Variants in SLC6A11 observed in about 807,000 individuals in gnomAD.
SLC6A11 encodes the protein solute carrier family 6 member 11, also known as sodium- and chloride-dependent GABA transporter 3.
SLC6A11 carries 25 observed loss-of-function variants against 74.8 expected under a neutral mutation model. The observed-to-expected ratio is 0.33, with a 90% CI of 0.24 to 0.47. SLC6A11 has a LOEUF of 0.47. Ranked by LOEUF, SLC6A11 falls within the 20% of genes least tolerant of loss-of-function variation. The pLI is 1.00. For synonymous variants in SLC6A11, 330 were observed against 330.2 expected (o/e 1.00, Z 0.01); for missense variants, 574 against 837.0 (o/e 0.69, Z 3.88).
intron 7 of SLC6A11, among the ~76,000 whole-genome samples, chr3:10,912,532 T>C (rs1695400998): frequency 6.6e-6 from 1 of 152,224 alleles, no homozygotes; most frequent in Admixed American, 6.5e-5. Flanking sequence ...ACCAAGGGCC[T>C]TGTTCTCTCG....
At chr3:10,850,444 C>A (rs1310926294) in intron 5 of SLC6A11, among the ~76,000 whole-genome samples, 1 of 152,166 alleles carries the variant, frequency 6.6e-6, no homozygotes, top group African/African-American at 2.4e-5. Flanking sequence ...TGAACCAGAC[C>A]ATGGGGCTTA....
At position 10,938,359 on chromosome 3, in the gene SLC6A11, A is replaced by G; in HGVS notation, c.1856A>G (p.Asp619Gly). 6.2e-7 allele frequency: 1 copy of G among 1,612,264 alleles called. No homozygotes were observed. Among genetic ancestry groups the G allele is most frequent in the South Asian group, 1.1e-5 (1 of 90,834 alleles). ...VNDCDAKLKS[D>G]GTIAAITEKE... ...GACTGTGATGCCAAACTCAAGAGTG[A>G]CGGGACCATCGCAGCCATCACAGAG... Residue 619 changes from aspartate to glycine, a missense_variant, in exon 14 of 14, where the codon GAC (aspartate) becomes GGC (glycine). By Grantham distance (94) the Asp-to-Gly change is moderately conservative. Coordinates refer to ENST00000254488, the MANE Select transcript of SLC6A11 (RefSeq NM_014229.3).
chr3:10,935,780 T>C (rs550235097), intron 13 of SLC6A11, among the ~76,000 whole-genome samples: 3 of 152,350 alleles, frequency 2.0e-5, no homozygotes, highest in Non-Finnish European at 2.9e-5. Flanking sequence ...ATCCTAAAAT[T>C]AACCCATTTC....
At chr3:10,844,108 C>A in intron 4 of SLC6A11, 106 bp from the exon 5 acceptor site, 2 of 1,381,320 alleles carry the variant, frequency 1.4e-6, no homozygotes, top group South Asian at 2.6e-5. Flanking sequence ...CCACGGTGGA[C>A]GTGGGTGAAT....
Position 10,939,929 on chromosome 3 carries a change from T to C in SLC6A11, c.*1527T>C, listed in dbSNP as rs2124827984. 1 of 152,304 alleles carries C rather than the reference T, an allele frequency of 6.6e-6. No homozygotes were observed. The highest frequency in any genetic ancestry group is 1.5e-5 in the Non-Finnish European group (1 of 68,028). 9.4% of individuals were successfully genotyped at this position (152,304 alleles called of 1,614,324 possible). On this transcript the variant is annotated 3_prime_UTR_variant, in exon 14 of 14. Transcript: ENST00000254488. ...ATATGAGGGTGGGGAAGGCACACTC[T>C]TTTTTCCTTTTTCCTTAGGTTCCCA... is the stretch of plus-strand genomic sequence containing the variant.
chr3:10,906,197 C>T (rs1296936185), intron 6 of SLC6A11, among the ~76,000 whole-genome samples: 3 of 152,104 alleles, frequency 2.0e-5, no homozygotes, highest in Non-Finnish European at 4.4e-5. Flanking sequence ...CAAGATCAAT[C>T]TTGTATAACT....
chr3:10,883,074 C>T (rs1001630403), intron 6 of SLC6A11, among the ~76,000 whole-genome samples: 16 of 152,044 alleles, frequency 1.1e-4, no homozygotes, highest in Non-Finnish European at 2.4e-4. Context: ...GGTGGGGGGG[C>T]GCTTTGAACT....
At position 10,816,280 on chromosome 3, in the gene SLC6A11, G is replaced by A. The variant is rs1300313004; in HGVS notation, c.15G>A (p.Lys5=). Residue 5 remains lysine, a synonymous_variant, in exon 1 of 14, where the codon AAG becomes AAA. Coordinates refer to ENST00000254488, the MANE Select transcript of SLC6A11 (RefSeq NM_014229.3). This position sits in a 1 kb window ranked among gnomAD's most constrained non-coding sequence, Gnocchi z 4.2. ...CCAGCGCGGCCATGACGGCGGAGAAGGCGCTGCCCCTGGGCAATGGGAAGG... is the reference window on the plus strand; with the variant it reads ...CCAGCGCGGCCATGACGGCGGAGAAAGCGCTGCCCCTGGGCAATGGGAAGG... MTAE[K]ALPLGNGKAA... is the part of the protein sequence containing the mutation. 1.5e-6 allele frequency: 2 copies of A among 1,354,268 alleles called. No individual in the cohort carries two copies. Among genetic ancestry groups the A allele is most frequent in the South Asian group, 2.0e-5 (1 of 50,452 alleles). The allele number at this position is 1,354,268 out of a possible 1,614,324, so 83.9% of individuals were successfully genotyped here. A position where few individuals can be genotyped will look rare whatever the true frequency, so the allele number is the denominator to read the frequency against.
intron 4 of SLC6A11, among the ~76,000 whole-genome samples, chr3:10,833,810 C>A (rs1236473496): frequency 6.6e-6 from 1 of 152,174 alleles, no homozygotes; most frequent in Admixed American, 6.5e-5. Context: ...ATTATGAGTT[C>A]TTGATCATTA....
chr3:10,913,162 G>A (rs1236651103), intron 7 of SLC6A11, among the ~76,000 whole-genome samples: 1 of 150,874 alleles, frequency 6.6e-6, no homozygotes, highest in Non-Finnish European at 1.5e-5. Context: ...ATAGTTAAGT[G>A]TCAGATTGAT....
chr3:10,912,206 C>T lies in SLC6A11; in HGVS notation c.995+13C>T, dbSNP rs1351851787. ...ACAACTGCTACAGGTGAGCATTTCC[C>T]TGGGCCCTGCCAGCTCTCCACCAAA... On this transcript the variant is annotated intron_variant, in intron 7 of 13. Coordinates refer to ENST00000254488, the MANE Select transcript of SLC6A11 (RefSeq NM_014229.3). The T allele has an allele frequency of 3.2e-6, 5 of 1,559,174 alleles. No individual in the cohort carries two copies. The highest frequency in any genetic ancestry group is 4.4e-6 in the Non-Finnish European group (5 of 1,130,252).
chr3:10,835,721 G>C (rs1694358022), intron 4 of SLC6A11, among the ~76,000 whole-genome samples: 1 of 152,314 alleles, frequency 6.6e-6, no homozygotes, highest in South Asian at 2.1e-4. Flanking sequence ...TGTGGAGCCT[G>C]AGTTTCCTCT....
chr3:10,844,185 C>G, intron 4 of SLC6A11, 29 bp from the exon 5 acceptor site: 1 of 1,614,044 alleles, frequency 6.2e-7, no homozygotes, highest in Non-Finnish European at 8.5e-7. Context: ...AGCCCCAGCC[C>G]CAGTGACTCT....
rs550643946 is a variant in SLC6A11 at position 10,823,567 on chromosome 3, C to T, written c.623+175C>T. Reference sequence around the variant, plus strand: ...CAAGAGTGCAGATCTTCAGAGGTTTCCCAAAGGGGCAGCTGAGAGAAATGT... The same window carrying T: ...CAAGAGTGCAGATCTTCAGAGGTTTTCCAAAGGGGCAGCTGAGAGAAATGT... On this transcript the variant is annotated intron_variant, in intron 4 of 13. Transcript: ENST00000254488. 81 of 574,388 alleles carry T rather than the reference C, an allele frequency of 1.4e-4. 1 individual carries two copies. The highest frequency in any genetic ancestry group is 2.3e-4 in the Non-Finnish European group (74 of 316,996). The allele number at this position is 574,388 out of a possible 1,614,324, so 35.6% of individuals were successfully genotyped here. A position where few individuals can be genotyped will look rare whatever the true frequency, so the allele number is the denominator to read the frequency against.
At chr3:10,833,229 T>G (rs929662382) in intron 4 of SLC6A11, among the ~76,000 whole-genome samples, 1 of 152,082 alleles carries the variant, frequency 6.6e-6, no homozygotes, top group Admixed American at 6.5e-5. Flanking sequence ...ACCCAGCTAA[T>G]TTTTGTATTT....
chr3:10,864,674 A>G (rs1465282938), intron 5 of SLC6A11, among the ~76,000 whole-genome samples: 1 of 151,776 alleles, frequency 6.6e-6, no homozygotes, highest in Non-Finnish European at 1.5e-5. Flanking sequence ...TCCAGATATA[A>G]TTTTTTCCCT....
intron 8 of SLC6A11, among the ~76,000 whole-genome samples, chr3:10,923,962 G>A (rs1014939892): frequency 7.2e-5 from 11 of 152,110 alleles, no homozygotes; most frequent in African/African-American, 2.7e-4. Context: ...GGAAACATCA[G>A]ACCAACCCAC....
At position 10,918,389 on chromosome 3, in the gene SLC6A11, C is replaced by T; in HGVS notation, c.1056C>T (p.Ile352=). Residue 352 remains isoleucine, a synonymous_variant, in exon 8 of 14, where the codon ATC becomes ATT. Coordinates refer to ENST00000254488, the MANE Select transcript of SLC6A11 (RefSeq NM_014229.3). This position sits in a 1 kb window ranked among gnomAD's most constrained non-coding sequence, Gnocchi z 4.5. The stretch of plus-strand genomic sequence containing the variant: ...CCAGCTTCGTGGCTGGGTTTGCCAT[C>T]TTCTCAGTCCTGGGTTTTATGGCGT... The part of the protein sequence containing the change: ...SGTSFVAGFA[I]FSVLGFMAYE... 6.2e-7 allele frequency: 1 copy of T among 1,609,234 alleles called. No homozygotes were observed. Among genetic ancestry groups the T allele is most frequent in the Non-Finnish European group, 8.5e-7 (1 of 1,178,180 alleles).
At chr3:10,848,498 A>C (rs1694532937) in intron 5 of SLC6A11, among the ~76,000 whole-genome samples, 2 of 152,236 alleles carry the variant, frequency 1.3e-5, no homozygotes. Context: ...CTGTATGCTC[A>C]GAAGCAGCTA....
Sources: allele counts gnomAD v4.1 joint callset (sites outside exome capture counted in the v4.1 genomes callset), GRCh38; gene constraint gnomAD v4.1.1; non-coding constraint Gnocchi (gnomAD v3.1); transcripts MANE v1.5; gene names NCBI Gene and HGNC (gene_info 2026-07-23, HGNC 2026-07-21).